Variants in ZNF267 observed in about 807,000 individuals in gnomAD.
The protein encoded by ZNF267 is zinc finger protein 267, also known as zinc finger (C2H2).
In ZNF267, 61 loss-of-function variants were observed where a neutral mutation model predicts 71.6. The observed-to-expected ratio is 0.85, with a 90% CI of 0.69 to 1.05. The LOEUF is 1.05. Ranked by LOEUF, ZNF267 falls within the 50% of genes least tolerant of loss-of-function variation. The probability of loss-of-function intolerance (pLI) is 0.00; values close to 1 mark genes in which losing one functional copy is unlikely to be tolerated. For synonymous variants in ZNF267, 288 were observed against 293.2 expected (o/e 0.98, Z 0.18); for missense variants, 852 against 870.0 (o/e 0.98, Z 0.26).
intron 1 of ZNF267, among the ~76,000 whole-genome samples, chr16:31,876,702 A>C (rs566735838): frequency 1.3e-5 from 2 of 152,250 alleles, no homozygotes; most frequent in African/African-American, 4.8e-5. Context: ...CCTTTATTCT[A>C]TAAACACTGT....
chr16:31,889,228 A>T, intron 3 of ZNF267, among the ~76,000 whole-genome samples: 4 of 139,238 alleles, frequency 2.9e-5, no homozygotes, highest in Admixed American at 7.2e-5. Context: ...TTAATGACTC[A>T]GTTTTTTGAT....
At position 31,885,208 on chromosome 16, in the gene ZNF267, A is replaced by C; in HGVS notation, c.178A>C (p.Lys60Gln). 1 of 1,610,652 alleles carries C rather than the reference A, an allele frequency of 6.2e-7. No individual in the cohort carries two copies. The highest frequency in any genetic ancestry group is 8.5e-7 in the Non-Finnish European group (1 of 1,178,656). ...PDLITFLEQR[K>Q]EPWNVKSEET... ...CCTGATCACCTTTTTGGAACAAAGG[A>C]AAGAGCCTTGGAATGTGAAGAGTGA... The change falls in exon 3 of 4, where the codon AAA becomes CAA. Residue 60 changes from lysine (K) to glutamine (Q), a missense_variant. Physicochemically the swap from Lys to Gln is moderately conservative, Grantham distance 53 (BLOSUM62 1). Coordinates refer to ENST00000300870, the MANE Select transcript of ZNF267 (RefSeq NM_003414.6).
At chr16:31,879,083 G>A (rs1043456402) in intron 1 of ZNF267, among the ~76,000 whole-genome samples, 3 of 152,110 alleles carry the variant, frequency 2.0e-5, no homozygotes, top group African/African-American at 7.2e-5. Flanking sequence ...CCTTTCTCTA[G>A]GAACTGGGAA....
At chr16:31,908,093 G>T (rs1165784801) in intron 3 of ZNF267, among the ~76,000 whole-genome samples, 1 of 152,062 alleles carries the variant, frequency 6.6e-6, no homozygotes, top group Non-Finnish European at 1.5e-5. Flanking sequence ...GATGATGCAT[G>T]CCTGTAGTTT....
At chr16:31,905,770 CCTT>C (rs1219444524) in intron 3 of ZNF267, among the ~76,000 whole-genome samples, 3 of 152,160 alleles carry the variant, frequency 2.0e-5, no homozygotes, top group African/African-American at 7.2e-5. Flanking sequence ...TTGTCTGACG[CCTT>C]CTTCTCTCAC....
At chr16:31,903,100 C>T (rs958578520) in intron 3 of ZNF267, among the ~76,000 whole-genome samples, 1 of 152,114 alleles carries the variant, frequency 6.6e-6, no homozygotes, top group African/African-American at 2.4e-5. Context: ...TCTTGAATTT[C>T]GTATTTTGAA....
At chr16:31,901,856 G>T (rs545393840) in intron 3 of ZNF267, among the ~76,000 whole-genome samples, 66 of 152,208 alleles carry the variant, frequency 4.3e-4, no homozygotes, top group Admixed American at 7.9e-4. Context: ...GTTTTAGACA[G>T]GAAGTCCTTG....
In ZNF267 at chr16:31,914,542, T is replaced by G. The variant is rs369914047; in HGVS notation, c.293T>G (p.Val98Gly). The change falls in exon 4 of 4, where the codon GTG (valine) becomes GGG (glycine). Residue 98 changes from valine (V) to glycine (G), a missense_variant. Physicochemically the swap from Val to Gly is moderately radical, Grantham distance 109. Coordinates refer to ENST00000300870, the MANE Select transcript of ZNF267 (RefSeq NM_003414.6). ...EHCTEASFQK[V>G]ISRRHGSCDL... is the part of the protein sequence containing the mutation. ...TGCACAGAAGCTTCATTCCAAAAAG[T>G]GATATCGAGGAGACATGGGAGCTGT... is the stretch of plus-strand genomic sequence containing the variant. 6.2e-7 allele frequency: 1 copy of G among 1,613,860 alleles called. No individual in the cohort carries two copies. Among genetic ancestry groups the G allele is most frequent in the Non-Finnish European group, 8.5e-7 (1 of 1,179,984 alleles).
rs1344403468 is a variant in ZNF267, at chr16:31,891,151, T to G, written c.226+5895T>G. ...ATCAGGAGACTTAGATAAAATATCTTATATTTGTAACAGTCTAGTTTAAGA... is the reference window on the plus strand; with the variant it reads ...ATCAGGAGACTTAGATAAAATATCTGATATTTGTAACAGTCTAGTTTAAGA... On this transcript the variant is annotated intron_variant, in intron 3 of 3. Coordinates refer to ENST00000300870, the MANE Select transcript of ZNF267 (RefSeq NM_003414.6). 3.9e-5 allele frequency among the ~76,000 whole-genome samples: 6 copies of G among 152,154 alleles called. 1 individual carries two copies. The highest frequency in any genetic ancestry group is 2.0e-4 in the Admixed American group (3 of 15,288).
chr16:31,895,162 G>A (rs892514274), intron 3 of ZNF267, among the ~76,000 whole-genome samples: 1 of 152,182 alleles, frequency 6.6e-6, no homozygotes, highest in Non-Finnish European at 1.5e-5. Context: ...GTGAGCTCTG[G>A]GTGAGCTCGG....
At chr16:31,901,115 A>G (rs1160173922) in intron 3 of ZNF267, among the ~76,000 whole-genome samples, 4 of 152,028 alleles carry the variant, frequency 2.6e-5, no homozygotes, top group Non-Finnish European at 5.9e-5. Flanking sequence ...CCATGTCCCT[A>G]CAAAGGACAT....
Position 31,914,609 on chromosome 16 carries a change from G to A in ZNF267, c.360G>A (p.Glu120=). The A allele has an allele frequency of 6.2e-7, 1 of 1,614,102 alleles. No homozygotes were observed. The highest frequency in any genetic ancestry group is 8.5e-7 in the Non-Finnish European group (1 of 1,180,006). ...ATTTAAGAAAAAGGTGGAAAAGGGA[G>A]GAGTGTGAAGGGCACAATGGATGTT... ...NLHLRKRWKR[E]ECEGHNGCYD... is the part of the protein sequence containing the mutation. The change falls in exon 4 of 4, where the codon GAG becomes GAA. Residue 120 remains glutamate (E), a synonymous_variant. Transcript: ENST00000300870.
At chr16:31,879,265 G>T (rs970055231) in intron 1 of ZNF267, among the ~76,000 whole-genome samples, 5 of 152,200 alleles carry the variant, frequency 3.3e-5, no homozygotes, top group Non-Finnish European at 7.3e-5. Context: ...CAATTCCCAG[G>T]TGAATTTAGG....
At chr16:31,888,498 C>CTT (rs2083938991) in intron 3 of ZNF267, among the ~76,000 whole-genome samples, 1 of 151,914 alleles carries the variant, frequency 6.6e-6, no homozygotes, top group East Asian at 1.9e-4. Flanking sequence ...GAGATGGATA[C>CTT]TTTTGTATGT....
chr16:31,916,294 A>T lies in ZNF267; in HGVS notation c.2045A>T (p.His682Leu). The T allele has an allele frequency of 6.2e-7, 1 of 1,614,156 alleles. No individual in the cohort carries two copies. Among genetic ancestry groups the T allele is most frequent in the Non-Finnish European group, 8.5e-7 (1 of 1,180,010 alleles). The change falls in exon 4 of 4, where the codon CAT (histidine) becomes CTT (leucine). Residue 682 changes from histidine to leucine, a missense_variant. Coordinates refer to ENST00000300870, the MANE Select transcript of ZNF267 (RefSeq NM_003414.6). ...TACCTCACTACACATCGGAGAAGAC[A>T]TACTGGAGAGAGACCCTACAAATGT... ...RSYLTTHRRR[H>L]TGERPYKCDE...
chr16:31,915,851 T>C lies in ZNF267; in HGVS notation c.1602T>C (p.Asn534=). 1 of 1,613,500 alleles carries C rather than the reference T, an allele frequency of 6.2e-7. No individual in the cohort carries two copies. The highest frequency in any genetic ancestry group is 8.5e-7 in the Non-Finnish European group (1 of 1,179,948). ...CTAAACCTTTTACTTGTTTCTCAAA[T>C]CTTATTGTGCATGAGAGAATTCATA... ...VCAKPFTCFS[N]LIVHERIHTG... Residue 534 remains asparagine (N), a synonymous_variant, in exon 4 of 4, where the codon AAT becomes AAC. Coordinates refer to ENST00000300870, the MANE Select transcript of ZNF267 (RefSeq NM_003414.6).
At chr16:31,897,729 A>G (rs1436203557) in intron 3 of ZNF267, among the ~76,000 whole-genome samples, 3 of 152,128 alleles carry the variant, frequency 2.0e-5, no homozygotes, top group African/African-American at 7.2e-5. Context: ...ACTCTTAAAC[A>G]AGTTTGTGTG....
chr16:31,876,629 C>A (rs1017025743), intron 1 of ZNF267, among the ~76,000 whole-genome samples: 10 of 152,194 alleles, frequency 6.6e-5, no homozygotes, highest in Non-Finnish European at 1.5e-4. Context: ...TATTTATTGT[C>A]TGAAAGGGAT....
intron 3 of ZNF267, 144 bp downstream of exon 3, chr16:31,885,400 AAGAGGGAC>A (rs2083917524): frequency 9.5e-6 from 6 of 629,182 alleles, no homozygotes. Context: ...CTTGCTGTCA[AAGAGGGAC>A]ATCTTCTGTC....
Sources: allele counts gnomAD v4.1 joint callset (sites outside exome capture counted in the v4.1 genomes callset), GRCh38; gene constraint gnomAD v4.1.1; transcripts MANE v1.5; gene names NCBI Gene and HGNC (gene_info 2026-07-23, HGNC 2026-07-21).